TRIT1: variants seen among roughly 807,000 people sequenced by gnomAD.
TRIT1 encodes the protein tRNA dimethylallyltransferase.
Under a neutral mutation model 51.2 loss-of-function variants are expected in TRIT1, and 43 were observed. That is an observed-to-expected ratio of 0.84 (90% CI 0.66 to 1.08). The LOEUF is 1.08. Among genes scored for constraint, TRIT1 ranks in the 50% least tolerant of loss-of-function variants. TRIT1 has a pLI of 0.00. For missense variants in TRIT1, 528 were observed against 578.4 expected (o/e 0.91, Z 0.89); for synonymous variants, 184 against 203.9 (o/e 0.90, Z 0.83).
At chr1:39,843,159 C>T (rs184581947) in intron 10 of TRIT1, among the ~76,000 whole-genome samples, 32 of 152,312 alleles carry the variant, frequency 2.1e-4, no homozygotes, top group African/African-American at 7.0e-4. Flanking sequence ...CAGTCTCTGA[C>T]AATGGAGTTC....
chr1:39,873,403 A>AAAAGAGCTGACCAGTACC (rs1553147134), intron 1 of TRIT1, among the ~76,000 whole-genome samples: 1 of 152,234 alleles, frequency 6.6e-6, no homozygotes, highest in Non-Finnish European at 1.5e-5. Flanking sequence ...AGACATCTAC[A>AAAAGAGCTGACCAGTACC]AAAGAGCTGA....
At position 39,844,214 on chromosome 1, in the gene TRIT1, T is replaced by C. The variant is rs2124575736; in HGVS notation, c.1121A>G (p.His374Arg). 2 of 1,613,210 alleles carry C rather than the reference T, an allele frequency of 1.2e-6. No individual in the cohort carries two copies. Among genetic ancestry groups the C allele is most frequent in the Non-Finnish European group, 8.5e-7 (1 of 1,179,144 alleles). ...LEIVQSFIQG[H>R]KPTATPIKMP... ...CTTTATTGGAGTGGCTGTAGGCTTGTGGCCCTAAAAGAACAAGGGTGGAAG... is the reference window on the plus strand; with the variant it reads ...CTTTATTGGAGTGGCTGTAGGCTTGCGGCCCTAAAAGAACAAGGGTGGAAG... The change falls in exon 10 of 11, where the codon CAC becomes CGC. Residue 374 changes from histidine (H) to arginine (R), a missense_variant. His to Arg is a conservative substitution (Grantham distance 29). Around this residue, in one of 3 missense-constraint regions of TRIT1, gnomAD observed 468 missense variants for 522.6 expected, o/e 0.90. Coordinates refer to ENST00000316891, the MANE Select transcript of TRIT1 (RefSeq NM_017646.6).
intron 1 of TRIT1, among the ~76,000 whole-genome samples, chr1:39,864,647 T>A (rs1005954661): frequency 6.6e-6 from 1 of 150,906 alleles, no homozygotes; most frequent in African/African-American, 2.4e-5. Flanking sequence ...TCAACAGTCC[T>A]GAAATTGAGA....
chr1:39,847,245 T>C lies in TRIT1; in HGVS notation c.981A>G (p.Arg327=), dbSNP rs993366614. Reference sequence around the variant, plus strand: ...TGCTCAAAAAACGGTTTTTAACCCATCGGTTTTGTTTCCGGGCATATCTCT... The same window carrying C: ...TGCTCAAAAAACGGTTTTTAACCCACCGGTTTTGTTTCCGGGCATATCTCT... ...VTKRYARKQN[R]WVKNRFLSRP... is the part of the protein sequence containing the mutation. The change falls in exon 8 of 11, where the codon CGA becomes CGG. Residue 327 remains arginine, a synonymous_variant. Coordinates refer to ENST00000316891, the MANE Select transcript of TRIT1 (RefSeq NM_017646.6). 6.2e-7 allele frequency: 1 copy of C among 1,614,062 alleles called. No homozygotes were observed. Among genetic ancestry groups the C allele is most frequent in the Non-Finnish European group, 8.5e-7 (1 of 1,180,044 alleles).
At chr1:39,868,248 T>A (rs1216514663) in intron 1 of TRIT1, among the ~76,000 whole-genome samples, 1 of 152,160 alleles carries the variant, frequency 6.6e-6, no homozygotes, top group Non-Finnish European at 1.5e-5. Flanking sequence ...ACTTTTGCTC[T>A]GTGAAAGATA....
At chr1:39,880,661 T>C (rs945189091) in intron 1 of TRIT1, among the ~76,000 whole-genome samples, 1 of 151,866 alleles carries the variant, frequency 6.6e-6, no homozygotes, top group African/African-American at 2.4e-5. Flanking sequence ...TAGCCGAGCA[T>C]GGTGGCGGGC....
chr1:39,876,554 ATC>A (rs200417763), intron 1 of TRIT1, among the ~76,000 whole-genome samples: 1,704 of 148,264 alleles, frequency 0.011, 22 homozygotes, highest in African/African-American at 0.039. Flanking sequence ...CTATCTATCT[ATC>A]TATATATATA....
rs954405729 is a variant in TRIT1, at chr1:39,851,112, A to T, written c.561-851T>A. 5.3e-5 allele frequency among the ~76,000 whole-genome samples: 8 copies of T among 152,248 alleles called. No individual in the cohort carries two copies. In the East Asian group the frequency reaches 1.3e-3, roughly 26 times the overall value. On this transcript the variant is annotated intron_variant, in intron 4 of 10. Coordinates refer to ENST00000316891, the MANE Select transcript of TRIT1 (RefSeq NM_017646.6). ...CTACTTCCTGAAACCCTAACGCAAG[A>T]GTGTAGACCCCCTTGTCTTTCAGTA...
At chr1:39,857,467 T>G in intron 1 of TRIT1, 50 bp from the exon 2 acceptor site, 2 of 1,593,596 alleles carry the variant, frequency 1.3e-6, no homozygotes, top group African/African-American at 2.7e-5. Flanking sequence ...CCATAAAAGA[T>G]GCATACTTAA....
intron 1 of TRIT1, among the ~76,000 whole-genome samples, chr1:39,868,852 G>A (rs1643699960): frequency 6.6e-6 from 1 of 152,056 alleles, no homozygotes; most frequent in Admixed American, 6.6e-5. Context: ...CTGAGGTCAG[G>A]AGTTCTAGAC....
At chr1:39,867,484 T>A (rs1490110095) in intron 1 of TRIT1, among the ~76,000 whole-genome samples, 1 of 152,178 alleles carries the variant, frequency 6.6e-6, no homozygotes, top group Non-Finnish European at 1.5e-5. Flanking sequence ...ATAACATACA[T>A]GTGATACATT....
At chr1:39,852,023 G>A (rs943638906) in intron 4 of TRIT1, among the ~76,000 whole-genome samples, 6 of 151,798 alleles carry the variant, frequency 4.0e-5, no homozygotes, top group Admixed American at 3.9e-4. Context: ...TTCACTGAGG[G>A]GGGTAAAATT....
At chr1:39,856,019 T>C (rs1196993119) in intron 2 of TRIT1, among the ~76,000 whole-genome samples, 1 of 151,360 alleles carries the variant, frequency 6.6e-6, no homozygotes, top group Non-Finnish European at 1.5e-5. Context: ...CTACAAAAAA[T>C]AAAATAGCCG....
chr1:39,873,430 G>A (rs1374214115), intron 1 of TRIT1, among the ~76,000 whole-genome samples: 4 of 152,076 alleles, frequency 2.6e-5, no homozygotes, highest in Non-Finnish European at 5.9e-5. Context: ...CCCTTCAAAA[G>A]TATCAAGGTC....
chr1:39,881,919 T>C (rs541957599), intron 1 of TRIT1, among the ~76,000 whole-genome samples: 59 of 152,230 alleles, frequency 3.9e-4, no homozygotes, highest in Admixed American at 1.6e-3. Context: ...TGTTTTATGT[T>C]CAGCTGGACT....
At chr1:39,844,388 T>C (rs1180616817) in intron 9 of TRIT1, 143 bp downstream of exon 9, 4 of 823,612 alleles carry the variant, frequency 4.9e-6, no homozygotes, top group Non-Finnish European at 5.9e-6. Context: ...AGAAAAGCAG[T>C]CTCCAGGTAT....
chr1:39,840,513 G>C lies in TRIT1; in HGVS notation c.*1231C>G, dbSNP rs1652511795. ...TTGATACTGTCTTGCCTGGATTGGT[G>C]TTTGTGTACACATGCAATTATTTAT... On this transcript the variant is annotated 3_prime_UTR_variant, in exon 11 of 11. Coordinates refer to ENST00000316891, the MANE Select transcript of TRIT1 (RefSeq NM_017646.6). Among the ~76,000 whole-genome samples, 2 of 152,286 alleles carry C rather than the reference G, an allele frequency of 1.3e-5. No homozygotes were observed. The highest frequency in any genetic ancestry group is 2.9e-5 in the Non-Finnish European group (2 of 68,030).
intron 1 of TRIT1, among the ~76,000 whole-genome samples, chr1:39,863,541 G>A (rs764428512): frequency 2.6e-5 from 4 of 152,040 alleles, no homozygotes; most frequent in Non-Finnish European, 4.4e-5. Context: ...ATACAAGAGT[G>A]TATAACCACT....
chr1:39,850,172 C>T lies in TRIT1; in HGVS notation c.650G>A (p.Gly217Asp). The T allele has an allele frequency of 6.2e-7, 1 of 1,614,148 alleles. No individual in the cohort carries two copies. Residue 217 changes from glycine (G) to aspartate (D), a missense_variant, in exon 5 of 11, where the codon GGT (glycine) becomes GAT (aspartate). Physicochemically the swap from Gly to Asp is moderately conservative, Grantham distance 94 (BLOSUM62 -1). Coordinates refer to ENST00000316891, the MANE Select transcript of TRIT1 (RefSeq NM_017646.6). ...GCAAGGGTTAGAGAACTTCAGAGGA[C>T]CTCCAAGGGGACCACCACCTTCTTC... is the stretch of plus-strand genomic sequence containing the variant. ...HTEEGGGPLG[G>D]PLKFSNPCIL...
Sources: allele counts gnomAD v4.1 joint callset (sites outside exome capture counted in the v4.1 genomes callset), GRCh38; gene constraint gnomAD v4.1.1; regional missense constraint gnomAD v4.1.1; transcripts MANE v1.5; gene names NCBI Gene and HGNC (gene_info 2026-07-23, HGNC 2026-07-21).